SLC22A25: variants seen among roughly 807,000 people sequenced by gnomAD.
The protein encoded by SLC22A25 is MGI:2442751, MGI:2385316, MGI:3042283, MGI:3645714, MGI:3605624, MGI:2442750.
SLC22A25 carries 44 observed loss-of-function variants against 45.9 expected under a neutral mutation model. That is an observed-to-expected ratio of 0.96 (90% confidence interval 0.75 to 1.23). SLC22A25 has a LOEUF of 1.23. SLC22A25 is among the 50% of genes most tolerant of loss of function. The pLI is 0.00. For missense variants in SLC22A25, 800 were observed against 666.4 expected (o/e 1.20, Z -2.21); for synonymous variants, 283 against 238.6 (o/e 1.19, Z -1.72).
chr11:63,207,100 C>T (rs923780361), intron 7 of SLC22A25, among the ~76,000 whole-genome samples: 2 of 152,042 alleles, frequency 1.3e-5, no homozygotes, highest in South Asian at 2.1e-4. Context: ...GAGGGGTCCA[C>T]CTTATACAAA....
rs2087539076 is a variant in SLC22A25, at chr11:63,161,958, C to A, written c.*1866G>T. 6.6e-6 allele frequency among the ~76,000 whole-genome samples: 1 copy of A among 152,136 alleles called. No individual in the cohort carries two copies. Among genetic ancestry groups the A allele is most frequent in the Non-Finnish European group, 1.5e-5 (1 of 68,026 alleles). On this transcript the variant is annotated 3_prime_UTR_variant, in exon 12 of 12. Transcript: ENST00000306494. Reference sequence around the variant, plus strand: ...TTCTTGCCTGTCTTTTGGATATCAGCCATTTTAACTGAGGTAAGATGAGAT... The same window carrying A: ...TTCTTGCCTGTCTTTTGGATATCAGACATTTTAACTGAGGTAAGATGAGAT...
At position 63,163,470 on chromosome 11, in the gene SLC22A25, A is replaced by G. The variant is rs2087572216; in HGVS notation, c.*354T>C. Among the ~76,000 whole-genome samples, 1 of 152,180 alleles carries G rather than the reference A, an allele frequency of 6.6e-6. No homozygotes were observed. Among genetic ancestry groups the G allele is most frequent in the Non-Finnish European group, 1.5e-5 (1 of 68,040 alleles). ...GGAGTCAGGCCTGTAAGCACTGGCA[A>G]TCCCAGACAGCTAACAGGTACACTC... On this transcript the variant is annotated 3_prime_UTR_variant, in exon 12 of 12. Coordinates refer to ENST00000306494, the MANE Select transcript of SLC22A25 (RefSeq NM_199352.6).
At chr11:63,191,418 G>T (rs543742459) in intron 7 of SLC22A25, among the ~76,000 whole-genome samples, 5 of 152,166 alleles carry the variant, frequency 3.3e-5, no homozygotes, top group African/African-American at 1.2e-4. Flanking sequence ...GGGTGGGAGT[G>T]ACCCGATTTT....
chr11:63,242,098 A>T (rs1197922343), intron 1 of SLC22A25, among the ~76,000 whole-genome samples: 1 of 152,212 alleles, frequency 6.6e-6, no homozygotes, highest in Middle Eastern at 3.2e-3. Context: ...ACCAAGAAAA[A>T]GTTTAATAGA....
At chr11:63,200,537 C>G (rs2089205611) in intron 7 of SLC22A25, among the ~76,000 whole-genome samples, 1 of 151,664 alleles carries the variant, frequency 6.6e-6, no homozygotes, top group African/African-American at 2.4e-5. Context: ...TATGACAAAC[C>G]CACAAACAAC....
intron 5 of SLC22A25, chr11:63,218,264 C>T (rs958799939): frequency 4.6e-5 from 16 of 344,516 alleles, no homozygotes; most frequent in Admixed American, 3.7e-4. Flanking sequence ...CCAAACATTA[C>T]AATGTCCTCA....
At chr11:63,178,904 G>T (rs985487076) in intron 9 of SLC22A25, among the ~76,000 whole-genome samples, 1 of 151,800 alleles carries the variant, frequency 6.6e-6, no homozygotes, top group Non-Finnish European at 1.5e-5. Context: ...ATGTCCTAAA[G>T]GATTTCCTCA....
intron 7 of SLC22A25, among the ~76,000 whole-genome samples, chr11:63,210,958 C>T (rs1278034289): frequency 6.6e-6 from 1 of 152,082 alleles, no homozygotes; most frequent in Non-Finnish European, 1.5e-5. Flanking sequence ...GGGAATATGA[C>T]CCTGGAGATA....
chr11:63,208,583 G>A (rs1310245369), intron 7 of SLC22A25, among the ~76,000 whole-genome samples: 1 of 152,056 alleles, frequency 6.6e-6, no homozygotes, highest in Admixed American at 6.6e-5. Context: ...TGAGAATGTG[G>A]GAGCCTAACT....
Position 63,160,614 on chromosome 11 carries a change from T to C in SLC22A25, c.*3210A>G, listed in dbSNP as rs183384224. 9.3e-4 allele frequency among the ~76,000 whole-genome samples: 141 copies of C among 152,248 alleles called. No individual in the cohort carries two copies. The highest frequency in any genetic ancestry group is 3.2e-3 in the African/African-American group (133 of 41,552). ...AGAGTCTCCATCGGAGACTGCTTAG[T>C]GGAGCTGTGAGAAGAGGGTCTTCGA... is the stretch of plus-strand genomic sequence containing the variant. On this transcript the variant is annotated 3_prime_UTR_variant, in exon 12 of 12. Coordinates refer to ENST00000306494, the MANE Select transcript of SLC22A25 (RefSeq NM_199352.6).
Position 63,217,608 on chromosome 11 carries a change from T to C in SLC22A25, c.634A>G (p.Ser212Gly), listed in dbSNP as rs758117319. The C allele has an allele frequency of 1.2e-6, 2 of 1,613,584 alleles. No individual in the cohort carries two copies. The highest frequency in any genetic ancestry group is 2.2e-5 in the South Asian group (2 of 91,028). ...AACAAAACAGTATTTACAATGATGC[T>C]AAATGTAGCAGCCCCAGCCAAGAAG... ...LRFLAGAATF[S>G]IIVNTVLLIV... The change falls in exon 6 of 12, where the codon AGC becomes GGC. Residue 212 changes from serine (S) to glycine (G), a missense_variant. Ser to Gly is a moderately conservative substitution (Grantham distance 56). Transcript: ENST00000306494.
In SLC22A25 at chr11:63,161,639, G is replaced by T. The variant is rs905529719; in HGVS notation, c.*2185C>A. On this transcript the variant is annotated 3_prime_UTR_variant, in exon 12 of 12. Coordinates refer to ENST00000306494, the MANE Select transcript of SLC22A25 (RefSeq NM_199352.6). ...AAATTATCTTTTTGCCTGCTGCCAT[G>T]TAAGACGTGCCTTTCGCCCTCCACC... 1.3e-5 allele frequency among the ~76,000 whole-genome samples: 2 copies of T among 152,140 alleles called. No homozygotes were observed. The highest frequency in any genetic ancestry group is 4.8e-5 in the African/African-American group (2 of 41,442).
intron 5 of SLC22A25, chr11:63,218,315 AAAGAAGGG>A (rs897058361): frequency 1.3e-4 from 38 of 290,098 alleles, no homozygotes; most frequent in African/African-American, 8.5e-4. Context: ...ACAGGGACAT[AAAGAAGGG>A]AACAATAGAT....
At chr11:63,216,349 C>T (rs1166976403) in intron 7 of SLC22A25, among the ~76,000 whole-genome samples, 2 of 152,174 alleles carry the variant, frequency 1.3e-5, no homozygotes, top group East Asian at 3.9e-4. Context: ...AAATACCTTT[C>T]AACCCAGTAG....
intron 7 of SLC22A25, among the ~76,000 whole-genome samples, chr11:63,210,234 A>C (rs996986539): frequency 6.6e-6 from 1 of 152,246 alleles, no homozygotes; most frequent in African/African-American, 2.4e-5. Flanking sequence ...GAAACACATT[A>C]GTGAACTCCT....
At chr11:63,170,817 G>C (rs1004556759) in intron 9 of SLC22A25, among the ~76,000 whole-genome samples, 1 of 146,424 alleles carries the variant, frequency 6.8e-6, no homozygotes, top group Non-Finnish European at 1.5e-5. Context: ...TATTTTATGA[G>C]GCCAGCATTA....
At chr11:63,181,386 T>TC (rs1225703080) in intron 8 of SLC22A25, among the ~76,000 whole-genome samples, 5 of 144,966 alleles carry the variant, frequency 3.4e-5, no homozygotes, top group African/African-American at 1.3e-4. Context: ...ATGCTATCCT[T>TC]CCCCCCTCCC....
intron 9 of SLC22A25, among the ~76,000 whole-genome samples, chr11:63,177,444 TA>T (rs2088133069): frequency 6.6e-6 from 1 of 151,988 alleles, no homozygotes; most frequent in Non-Finnish European, 1.5e-5. Context: ...ACTTTATTGT[TA>T]ACTAAAGTCA....
At chr11:63,239,978 A>G (rs2090221868) in intron 1 of SLC22A25, among the ~76,000 whole-genome samples, 1 of 152,182 alleles carries the variant, frequency 6.6e-6, no homozygotes, top group Admixed American at 6.5e-5. Flanking sequence ...GAAATGCATT[A>G]TTATGTGATT....
Sources: allele counts gnomAD v4.1 joint callset (sites outside exome capture counted in the v4.1 genomes callset), GRCh38; gene constraint gnomAD v4.1.1; transcripts MANE v1.5; gene names NCBI Gene and HGNC (gene_info 2026-07-23, HGNC 2026-07-21).